FARP1: variants seen among roughly 807,000 people sequenced by gnomAD.
FARP1 encodes FERM, ARH/RhoGEF and pleckstrin domain protein 1, also known as FERM, ARHGEF and pleckstrin domain-containing protein 1.
A neutral mutation model predicts 128.8 loss-of-function variants in FARP1; 52 were observed. The observed-to-expected ratio is 0.40, with a 90% CI of 0.32 to 0.51. The LOEUF (loss-of-function observed/expected upper bound fraction) is 0.51, where lower values mean the gene tolerates loss of function less well. Among genes scored for constraint, FARP1 ranks in the 20% least tolerant of loss-of-function variants. The pLI is 0.45. For missense variants in FARP1, 1,333 were observed against 1,367.9 expected, an observed-to-expected ratio of 0.97 and a Z score of 0.40; for synonymous variants, 580 against 551.8, an observed-to-expected ratio of 1.05 and a Z score of -0.72.
chr13:98,355,761 T>C (rs1422813258), intron 3 of FARP1, among the ~76,000 whole-genome samples: 1 of 152,228 alleles, frequency 6.6e-6, no homozygotes. Flanking sequence ...TTAAAATTAA[T>C]AGGGTTTTTT....
At position 98,448,803 on chromosome 13, in the gene FARP1, C is replaced by CATTTTATT. The variant is rs58896682; in HGVS notation, c.*491_*492insATTATTTT. The CATTTTATT allele has an allele frequency of 2.0e-5, 3 of 151,288 alleles. No individual in the cohort carries two copies. The highest frequency in any genetic ancestry group is 4.4e-5 in the Non-Finnish European group (3 of 68,162). The allele number at this position is 151,288 out of a possible 1,614,324, so 9.4% of individuals were successfully genotyped here. A position where few individuals can be genotyped will look rare whatever the true frequency, so the allele number is the denominator to read the frequency against. On this transcript the variant is annotated 3_prime_UTR_variant, in exon 27 of 27. Coordinates refer to ENST00000319562, the MANE Select transcript of FARP1 (RefSeq NM_005766.4). ...AGCAAATGAGATCATTTTCAGATTT[C>CATTTTATT]ATTTTTTTTTTCAGTCTTTCTACTT...
At chr13:98,448,168 G>A (rs868389988) in intron 26 of FARP1, 68 bp from the exon 27 acceptor site, 5 of 1,330,228 alleles carry the variant, frequency 3.8e-6, no homozygotes, top group Middle Eastern at 2.3e-4. Flanking sequence ...TTCTGTAAGC[G>A]ATGCCCACCA....
chr13:98,176,094 G>T lies in FARP1; in HGVS notation c.-24+32602G>T. On this transcript the variant is annotated intron_variant, in intron 1 of 26. Coordinates refer to ENST00000319562, the MANE Select transcript of FARP1 (RefSeq NM_005766.4). The surrounding 1 kb of genome is among the most constrained non-coding windows in gnomAD (Gnocchi z 6.2). ...ATACTCAGGCATGGGATTGCAGGAA[G>T]ACTGTCATCTCTCTCATCTTACTCA... 7.5e-7 allele frequency: 1 copy of T among 1,338,822 alleles called. No homozygotes were observed. The highest frequency in any genetic ancestry group is 1.1e-6 in the Non-Finnish European group (1 of 940,760). 82.9% of individuals were successfully genotyped at this position (1,338,822 alleles called of 1,614,324 possible).
chr13:98,249,048 A>C (rs1054503805), intron 2 of FARP1, among the ~76,000 whole-genome samples: 5 of 152,210 alleles, frequency 3.3e-5, no homozygotes, highest in Non-Finnish European at 7.3e-5. Context: ...CACATTAAAC[A>C]AATTTATATT....
At chr13:98,328,332 T>TGG (rs941173169) in intron 2 of FARP1, 1 of 152,176 alleles carries the variant, frequency 6.6e-6, no homozygotes, top group African/African-American at 2.4e-5. Flanking sequence ...AAGGTTACTC[T>TGG]GGGGTCCCCT....
At chr13:98,187,350 G>A (rs1355158060) in intron 1 of FARP1, among the ~76,000 whole-genome samples, 2 of 152,192 alleles carry the variant, frequency 1.3e-5, no homozygotes, top group East Asian at 3.8e-4. Flanking sequence ...TGGAGATGCT[G>A]TCACATAAGG....
Position 98,176,385 on chromosome 13 carries a change from GA to G in FARP1, c.-24+32895del, listed in dbSNP as rs749811099. ...AGATGTAGCAGCGCGGGGTGGCCCG[GA>G]AGTGCTCCAGCGCGCAGCTCTCGCA... is the stretch of plus-strand genomic sequence containing the variant. On this transcript the variant is annotated intron_variant, in intron 1 of 26. Transcript: ENST00000319562. The surrounding 1 kb of genome is among the most constrained non-coding windows in gnomAD (Gnocchi z 6.2). 26 of 1,614,240 alleles carry G rather than the reference GA, an allele frequency of 1.6e-5. No homozygotes were observed. The highest frequency in any genetic ancestry group is 2.0e-5 in the Non-Finnish European group (24 of 1,180,044).
At chr13:98,425,900 C>T (rs144311549) in intron 17 of FARP1, among the ~76,000 whole-genome samples, 1 of 152,302 alleles carries the variant, frequency 6.6e-6, no homozygotes, top group Non-Finnish European at 1.5e-5. Flanking sequence ...CACACAGCGT[C>T]TCTTTTGAAT....
chr13:98,183,840 G>A (rs1423540400), intron 1 of FARP1, among the ~76,000 whole-genome samples: 6 of 152,050 alleles, frequency 3.9e-5, no homozygotes, highest in African/African-American at 1.2e-4. Context: ...ATCCTCCTTC[G>A]GTTTTTGGCT....
intron 2 of FARP1, among the ~76,000 whole-genome samples, chr13:98,235,480 C>T (rs912571650): frequency 1.3e-5 from 2 of 152,098 alleles, no homozygotes; most frequent in Non-Finnish European, 2.9e-5. Flanking sequence ...ACACAGGTAT[C>T]GGAGACAGAG....
chr13:98,328,511 T>C (rs767572276), intron 2 of FARP1: 9 of 152,244 alleles, frequency 5.9e-5, no homozygotes, highest in Non-Finnish European at 2.9e-5. Flanking sequence ...GAAAGTATTA[T>C]TAATTTCTTT....
intron 2 of FARP1, among the ~76,000 whole-genome samples, chr13:98,215,161 G>A (rs1880983352): frequency 6.6e-6 from 1 of 152,148 alleles, no homozygotes. Flanking sequence ...AGCTATCCAG[G>A]AACTCCCTGC....
At chr13:98,375,380 C>A (rs1379083661) in intron 5 of FARP1, among the ~76,000 whole-genome samples, 3 of 151,988 alleles carry the variant, frequency 2.0e-5, no homozygotes, top group South Asian at 2.1e-4. Context: ...TTGGCACTTA[C>A]AATTTTTTTG....
chr13:98,367,988 G>C, intron 4 of FARP1, 129 bp from the exon 5 acceptor site: 1 of 676,226 alleles, frequency 1.5e-6, no homozygotes, highest in East Asian at 2.7e-5. Flanking sequence ...AAGTGACTTG[G>C]AAAATGGCAG....
rs142987435 is a variant in FARP1 at position 98,439,925 on chromosome 13, G to A, written c.2434-36G>A. On this transcript the variant is annotated intron_variant, in intron 21 of 26. Coordinates refer to ENST00000319562, the MANE Select transcript of FARP1 (RefSeq NM_005766.4). The stretch of plus-strand genomic sequence containing the variant: ...TCAGGGATGTTTGGAAGTGCATCAC[G>A]TGCCTCATGGTGACGTTATCTTCTC... The A allele has an allele frequency of 2.1e-3, 3,050 of 1,420,618 alleles. 7 individuals carry two copies. Among genetic ancestry groups the A allele is most frequent in the Middle Eastern group, 3.3e-3 (18 of 5,474 alleles). The allele number at this position is 1,420,618 out of a possible 1,614,324, so 88.0% of individuals were successfully genotyped here.
At chr13:98,170,892 A>G (rs72655104) in intron 1 of FARP1, among the ~76,000 whole-genome samples, 14,262 of 152,254 alleles carry the variant, frequency 0.094, 875 homozygotes, top group African/African-American at 0.16. Flanking sequence ...TGGCTGATCC[A>G]AGGCACTTAA....
intron 24 of FARP1, among the ~76,000 whole-genome samples, chr13:98,442,143 G>T (rs1408381247): frequency 6.6e-6 from 1 of 152,218 alleles, no homozygotes; most frequent in Non-Finnish European, 1.5e-5. Flanking sequence ...GCCCTCTGCG[G>T]GGCTGCTGCA....
intron 2 of FARP1, among the ~76,000 whole-genome samples, chr13:98,312,708 A>G (rs1473578155): frequency 2.0e-5 from 3 of 152,104 alleles, no homozygotes; most frequent in African/African-American, 7.2e-5. Context: ...ATAAGAAAAA[A>G]TTTGAAGCAT....
At chr13:98,270,970 C>A (rs562410164) in intron 2 of FARP1, among the ~76,000 whole-genome samples, 1 of 152,296 alleles carries the variant, frequency 6.6e-6, no homozygotes, top group Non-Finnish European at 1.5e-5. Flanking sequence ...CATTGCTGTC[C>A]TCTGAATCAG....
Sources: gnomAD v4.1 joint callset for allele counts (sites outside exome capture counted in the v4.1 genomes callset) on GRCh38, gnomAD v4.1.1 for gene constraint, Gnocchi (gnomAD v3.1) non-coding constraint, MANE v1.5 for transcripts, NCBI Gene and HGNC (gene_info 2026-07-23, HGNC 2026-07-21) for gene names.